RIMKLB: variants seen among roughly 807,000 people sequenced by gnomAD.
The protein encoded by RIMKLB is ribosomal modification protein rimK like family member B.
RIMKLB carries 7 observed loss-of-function variants against 32.0 expected under a neutral mutation model. The ratio of observed to expected loss-of-function variants is 0.22; its 90% CI spans 0.12 to 0.41. The LOEUF (loss-of-function observed/expected upper bound fraction) is 0.41. Ranked by LOEUF, RIMKLB falls within the 10% of genes least tolerant of loss-of-function variation. RIMKLB has a pLI of 1.00. For missense variants in RIMKLB, 289 were observed against 498.7 expected (o/e 0.58, Z 4.00); for synonymous variants, 172 against 185.1 (o/e 0.93, Z 0.57).
chr12:8,754,455 G>T (rs1279246093), intron 5 of RIMKLB, among the ~76,000 whole-genome samples: 1 of 152,012 alleles, frequency 6.6e-6, no homozygotes. Flanking sequence ...TTACCCATTG[G>T]TCCAAACAAG....
At chr12:8,742,241 TC>T (rs911136435) in intron 2 of RIMKLB, among the ~76,000 whole-genome samples, 1 of 151,916 alleles carries the variant, frequency 6.6e-6, no homozygotes, top group African/African-American at 2.4e-5. Context: ...AACATAAAAA[TC>T]ATTAATCATC....
At chr12:8,720,213 A>G (rs1423191486) in intron 2 of RIMKLB, among the ~76,000 whole-genome samples, 1 of 152,240 alleles carries the variant, frequency 6.6e-6, no homozygotes, top group African/African-American at 2.4e-5. Flanking sequence ...TTTTGACACC[A>G]CAAAATCCAT....
At chr12:8,761,228 C>T (rs112844936) in intron 5 of RIMKLB, among the ~76,000 whole-genome samples, 3 of 143,534 alleles carry the variant, frequency 2.1e-5, no homozygotes, top group East Asian at 2.0e-4. Flanking sequence ...CCTGTAAACC[C>T]GGTTAACTCA....
At chr12:8,781,727 T>TTTCTC (rs1159775948), downstream of RIMKLB, among the ~76,000 whole-genome samples, 1 of 152,228 alleles carries the variant, frequency 6.6e-6, no homozygotes, top group African/African-American at 2.4e-5. Context: ...CATGTCTGTC[T>TTTCTC]TTCTCTTCCT....
intron 5 of RIMKLB, among the ~76,000 whole-genome samples, chr12:8,756,177 T>G (rs1057172274): frequency 6.8e-6 from 1 of 148,134 alleles, no homozygotes; most frequent in Non-Finnish European, 1.5e-5. Flanking sequence ...AAAAATTAGC[T>G]GGGCATCATG....
intron 2 of RIMKLB, among the ~76,000 whole-genome samples, chr12:8,716,431 CT>C (rs11307521): frequency 0.47 from 38,645 of 81,926 alleles, 7,359 homozygotes; most frequent in Middle Eastern, 0.52. Context: ...ATTAACATGT[CT>C]TTTTTTTTTT....
At chr12:8,695,437 T>C (rs1040915391), upstream of RIMKLB, among the ~76,000 whole-genome samples, 180 of 152,272 alleles carry the variant, frequency 1.2e-3, 1 homozygote, top group Admixed American at 7.3e-3. Flanking sequence ...AATATGGAAA[T>C]GGTGTAAATA....
chr12:8,774,088 T>A lies in RIMKLB; in HGVS notation c.*304T>A. On this transcript the variant is annotated 3_prime_UTR_variant, in exon 6 of 6. Transcript: ENST00000535829. ...ATAGGCCATGAGGAACAAATACTTT[T>A]TTTTTTTCATGGTCCCTTGCTTTTG... 9.3e-7 allele frequency: 1 copy of A among 1,080,038 alleles called. No homozygotes were observed. Among genetic ancestry groups the A allele is most frequent in the Non-Finnish European group, 1.1e-6 (1 of 890,164 alleles). 66.9% of individuals were successfully genotyped at this position (1,080,038 alleles called of 1,614,324 possible).
At chr12:8,740,511 G>A (rs1350276627) in intron 2 of RIMKLB, among the ~76,000 whole-genome samples, 1 of 152,074 alleles carries the variant, frequency 6.6e-6, no homozygotes, top group Non-Finnish European at 1.5e-5. Context: ...TTCTCCCTGA[G>A]TCCCCAAAGT....
intron 1 of RIMKLB, among the ~76,000 whole-genome samples, chr12:8,690,255 T>G (rs899579983): frequency 6.6e-6 from 1 of 152,212 alleles, no homozygotes; most frequent in African/African-American, 2.4e-5. Flanking sequence ...CCATACATAT[T>G]TGAAGAATCA....
chr12:8,774,513 A>G lies in RIMKLB; in HGVS notation c.*729A>G. On this transcript the variant is annotated 3_prime_UTR_variant, in exon 6 of 6. Transcript: ENST00000535829. ...AATTACACTAGTTTAAAATATGTGCATTCACTTGTATTTGTTAGTGTTTTA... is the reference window on the plus strand; with the variant it reads ...AATTACACTAGTTTAAAATATGTGCGTTCACTTGTATTTGTTAGTGTTTTA... 1.0e-6 allele frequency: 1 copy of G among 980,614 alleles called. No individual in the cohort carries two copies. The highest frequency in any genetic ancestry group is 1.2e-6 in the Non-Finnish European group (1 of 825,652). 60.7% of individuals were successfully genotyped at this position (980,614 alleles called of 1,614,324 possible).
chr12:8,705,797 A>T lies in RIMKLB; in HGVS notation c.-57+7500A>T, dbSNP rs774160477. ...ACTTGATGTTGCAGTCTTGGGTCTG[A>T]AATTTTTGGGGAGACCAGCAGACTG... is the stretch of plus-strand genomic sequence containing the variant. On this transcript the variant is annotated intron_variant, in intron 1 of 5. Coordinates refer to ENST00000535829, the MANE Select transcript of RIMKLB (RefSeq NM_001297776.2). Among the ~76,000 whole-genome samples, 13 of 152,292 alleles carry T rather than the reference A, an allele frequency of 8.5e-5. No homozygotes were observed. In the South Asian group the frequency reaches 2.5e-3, roughly 29 times the overall value.
In RIMKLB at chr12:8,776,960, TGTGAAATCA is replaced by T; in HGVS notation, c.*3177_*3185del. The T allele has an allele frequency of 1.0e-6, 1 of 985,842 alleles. No individual in the cohort carries two copies. The allele number at this position is 985,842 out of a possible 1,614,324, so 61.1% of individuals were successfully genotyped here. A position where few individuals can be genotyped will look rare whatever the true frequency, so the allele number is the denominator to read the frequency against. On this transcript the variant is annotated 3_prime_UTR_variant, in exon 6 of 6. Transcript: ENST00000535829. ...TGGGGCTTGTGGGGCTTAGAGACAT[TGTGAAATCA>T]AATCTTGTGTTATACTTTTCTCCTG...
intron 7 of RIMKLB, among the ~76,000 whole-genome samples, chr12:8,782,646 A>G (rs1951160843): frequency 6.6e-6 from 1 of 152,202 alleles, no homozygotes; most frequent in Non-Finnish European, 1.5e-5. Context: ...TTGCTCTTGT[A>G]AAACAGTAAT....
chr12:8,691,659 G>C (rs1005882401), intron 1 of RIMKLB, among the ~76,000 whole-genome samples: 1 of 152,138 alleles, frequency 6.6e-6, no homozygotes, highest in African/African-American at 2.4e-5. Context: ...GACAGGTTAA[G>C]AATTTAGATT....
At chr12:8,718,661 ATATATATATGTGTG>A (rs1454725482) in intron 2 of RIMKLB, among the ~76,000 whole-genome samples, 240 of 118,500 alleles carry the variant, frequency 2.0e-3, no homozygotes, top group African/African-American at 7.0e-3. Context: ...CTCTATATAT[ATATATATATGTGTG>A]TGTGTGTGTG....
At chr12:8,718,659 A>ATGTGTGTGTGTGTGTGTG (rs1213938637) in intron 2 of RIMKLB, among the ~76,000 whole-genome samples, 65 of 119,352 alleles carry the variant, frequency 5.4e-4, no homozygotes, top group African/African-American at 2.0e-3. Context: ...CTCTCTATAT[A>ATGTGTGTGTGTGTGTGTG]TATATATATA....
intron 2 of RIMKLB, among the ~76,000 whole-genome samples, chr12:8,747,004 G>A (rs1030593048): frequency 1.3e-5 from 2 of 151,976 alleles, no homozygotes; most frequent in Non-Finnish European, 2.9e-5. Flanking sequence ...GCTTCCCAAA[G>A]TGCTGGGATT....
At position 8,775,937 on chromosome 12, in the gene RIMKLB, CT is replaced by C. The variant is rs1950700860; in HGVS notation, c.*2155del. 1.0e-6 allele frequency: 1 copy of C among 982,718 alleles called. No individual in the cohort carries two copies. Among genetic ancestry groups the C allele is most frequent in the African/African-American group, 1.7e-5 (1 of 57,166 alleles). 60.9% of individuals were successfully genotyped at this position (982,718 alleles called of 1,614,324 possible). ...CATTAACAGAAAGAAATACTTGGTACTTCTTTCGCTGAATGACCATACTGTG... is the reference window on the plus strand; with the variant it reads ...CATTAACAGAAAGAAATACTTGGTACTCTTTCGCTGAATGACCATACTGTG... On this transcript the variant is annotated 3_prime_UTR_variant, in exon 6 of 6. Transcript: ENST00000535829.
Sources: allele counts gnomAD v4.1 joint callset (sites outside exome capture counted in the v4.1 genomes callset), GRCh38; gene constraint gnomAD v4.1.1; transcripts MANE v1.5; gene names NCBI Gene and HGNC (gene_info 2026-07-23, HGNC 2026-07-21).